The following TNKS variants were observed in gnomAD, a reference collection of about 807,000 sequenced individuals.
TNKS encodes the protein tankyrase, also known as poly [ADP-ribose] polymerase tankyrase-1.
A neutral mutation model predicts 135.8 loss-of-function variants in TNKS; 72 were observed. The ratio of observed to expected loss-of-function variants is 0.53; its 90% confidence interval spans 0.44 to 0.64. The LOEUF is 0.64. Among genes scored for constraint, TNKS ranks in the 30% least tolerant of loss-of-function variants. TNKS has a pLI of 0.00. For missense variants in TNKS, 1,769 were observed against 1,674.0 expected, an observed-to-expected ratio of 1.06 and a Z score of -0.99; for synonymous variants, 849 against 649.3, an observed-to-expected ratio of 1.31 and a Z score of -4.68.
At chr8:9,579,344 C>G (rs796834793) in intron 1 of TNKS, among the ~76,000 whole-genome samples, 1 of 152,310 alleles carries the variant, frequency 6.6e-6, no homozygotes, top group African/African-American at 2.4e-5. Context: ...TTTCAAAATT[C>G]CCTTTGACCA....
chr8:9,655,708 A>G (rs989450662), intron 3 of TNKS, among the ~76,000 whole-genome samples: 3 of 152,226 alleles, frequency 2.0e-5, no homozygotes, highest in Middle Eastern at 3.2e-3. Flanking sequence ...AAAACTAACA[A>G]ACAGAAAGGA....
chr8:9,627,363 C>T (rs992683169), intron 3 of TNKS, among the ~76,000 whole-genome samples: 1 of 152,192 alleles, frequency 6.6e-6, no homozygotes, highest in Non-Finnish European at 1.5e-5. Context: ...GTCATGGGAA[C>T]CCCAATTTAT....
At chr8:9,619,960 T>A (rs112566888) in intron 3 of TNKS, among the ~76,000 whole-genome samples, 2,258 of 151,546 alleles carry the variant, frequency 0.015, 21 homozygotes, top group Non-Finnish European at 0.017. Context: ...TTATTTATTT[T>A]TTTTTTTTGC....
chr8:9,615,864 A>G (rs35154340), intron 3 of TNKS, among the ~76,000 whole-genome samples, 187 bp downstream of exon 3: 1 of 152,234 alleles, frequency 6.6e-6, no homozygotes, highest in East Asian at 1.9e-4. Flanking sequence ...AAGCATAAGC[A>G]GTAAGATTGT....
At chr8:9,716,446 C>A (rs6601350) in intron 11 of TNKS, among the ~76,000 whole-genome samples, 1 of 151,878 alleles carries the variant, frequency 6.6e-6, no homozygotes, top group Non-Finnish European at 1.5e-5. Flanking sequence ...TTCTCAGTAA[C>A]AAACCAACTC....
rs567055664 is a variant in TNKS at position 9,690,596 on chromosome 8, C to T, written c.1107+9796C>T. 8.5e-5 allele frequency among the ~76,000 whole-genome samples: 13 copies of T among 152,200 alleles called. No homozygotes were observed. The East Asian group carries it at 2.3e-3, about 27-fold the overall frequency. ...CCAACATGGTAAAACCCTGCTTCTACTAAAAATGTAAAAATTAGCTGGGTG... is the reference window on the plus strand; with the variant it reads ...CCAACATGGTAAAACCCTGCTTCTATTAAAAATGTAAAAATTAGCTGGGTG... On this transcript the variant is annotated intron_variant, in intron 5 of 26. Transcript: ENST00000310430.
intron 1 of TNKS, among the ~76,000 whole-genome samples, chr8:9,564,393 C>G (rs555539391): frequency 6.6e-6 from 1 of 152,130 alleles, no homozygotes; most frequent in African/African-American, 2.4e-5. Flanking sequence ...AAATCTCAAG[C>G]TTAGAATCCA....
intron 5 of TNKS, among the ~76,000 whole-genome samples, chr8:9,694,728 C>A (rs546977566): frequency 6.7e-6 from 1 of 150,332 alleles, no homozygotes; most frequent in Non-Finnish European, 1.5e-5. Flanking sequence ...CCCCACTGCG[C>A]TCCAGCCTGG....
intron 2 of TNKS, among the ~76,000 whole-genome samples, chr8:9,586,564 G>T (rs1330599311): frequency 1.3e-5 from 2 of 151,914 alleles, no homozygotes; most frequent in African/African-American, 2.4e-5. Context: ...ACATACCTTA[G>T]CTTGTGATTA....
chr8:9,556,719 T>C (rs1365866093), intron 1 of TNKS, 107 bp downstream of exon 1: 2 of 1,321,412 alleles, frequency 1.5e-6, no homozygotes, highest in Admixed American at 2.0e-5. Context: ...GGCGTGGTTA[T>C]GGTTCTTCAT....
intron 5 of TNKS, among the ~76,000 whole-genome samples, chr8:9,693,843 G>C (rs1250899001): frequency 6.6e-6 from 1 of 152,088 alleles, no homozygotes; most frequent in African/African-American, 2.4e-5. Flanking sequence ...TTCTCATTCT[G>C]GACAGATCCA....
intron 2 of TNKS, among the ~76,000 whole-genome samples, chr8:9,608,437 T>C (rs965232545): frequency 1.3e-5 from 2 of 152,204 alleles, no homozygotes; most frequent in African/African-American, 4.8e-5. Context: ...AAGGCGATTT[T>C]TTTTTTTAGG....
In TNKS at chr8:9,777,391, A is replaced by T. The variant is rs979596614; in HGVS notation, c.*655A>T. 1.3e-5 allele frequency: 2 copies of T among 152,526 alleles called. No individual in the cohort carries two copies. Among genetic ancestry groups the T allele is most frequent in the African/African-American group, 4.8e-5 (2 of 41,584 alleles). The allele number at this position is 152,526 out of a possible 1,614,324, so 9.4% of individuals were successfully genotyped here. ...CTCGTTATCATAAATTGAGATGAAAAGGAAAAAACATCAAGTTTTAGTACC... is the reference window on the plus strand; with the variant it reads ...CTCGTTATCATAAATTGAGATGAAATGGAAAAAACATCAAGTTTTAGTACC... On this transcript the variant is annotated 3_prime_UTR_variant, in exon 27 of 27. Coordinates refer to ENST00000310430, the MANE Select transcript of TNKS (RefSeq NM_003747.3).
At chr8:9,633,732 A>G (rs1800387418) in intron 3 of TNKS, among the ~76,000 whole-genome samples, 1 of 152,186 alleles carries the variant, frequency 6.6e-6, no homozygotes, top group South Asian at 2.1e-4. Flanking sequence ...CATATTGTAA[A>G]CTGCCTTATA....
At chr8:9,624,712 AAGAG>A (rs1799991018) in intron 3 of TNKS, among the ~76,000 whole-genome samples, 1 of 152,030 alleles carries the variant, frequency 6.6e-6, no homozygotes, top group Non-Finnish European at 1.5e-5. Flanking sequence ...TATTTTCTGG[AAGAG>A]ACTGTAATGT....
intron 3 of TNKS, among the ~76,000 whole-genome samples, chr8:9,645,195 A>T (rs1800875947): frequency 1.3e-5 from 2 of 148,720 alleles, no homozygotes; most frequent in Non-Finnish European, 3.0e-5. Flanking sequence ...ATCTGGTCTA[A>T]GGAGGACAAG....
Position 9,741,995 on chromosome 8 carries a change from C to A in TNKS, c.2644-6029C>A, listed in dbSNP as rs551143193. ...TATCCTCTTTTTATGTTTGTTAAAT[C>A]CCTACTACTTAGCTCTTTGTAAATG... On this transcript the variant is annotated intron_variant, in intron 17 of 26. Coordinates refer to ENST00000310430, the MANE Select transcript of TNKS (RefSeq NM_003747.3). Among the ~76,000 whole-genome samples, 67 of 152,218 alleles carry A rather than the reference C, an allele frequency of 4.4e-4. 1 individual carries two copies. The highest frequency in any genetic ancestry group is 1.5e-3 in the African/African-American group (62 of 41,524).
intron 26 of TNKS, among the ~76,000 whole-genome samples, chr8:9,775,974 T>G (rs1300948730): frequency 6.6e-6 from 1 of 152,046 alleles, no homozygotes; most frequent in Non-Finnish European, 1.5e-5. Context: ...TTCAGCAGCT[T>G]CCTCTGATCA....
At chr8:9,624,545 C>T (rs989541795) in intron 3 of TNKS, among the ~76,000 whole-genome samples, 1 of 152,210 alleles carries the variant, frequency 6.6e-6, no homozygotes, top group African/African-American at 2.4e-5. Flanking sequence ...TGTAACATCA[C>T]AGCCAGGATA....
Sources: allele counts gnomAD v4.1 joint callset (sites outside exome capture counted in the v4.1 genomes callset), GRCh38; gene constraint gnomAD v4.1.1; transcripts MANE v1.5; gene names NCBI Gene and HGNC (gene_info 2026-07-23, HGNC 2026-07-21).